Variants in ARPP21 observed in about 807,000 individuals in gnomAD.
ARPP21 encodes cAMP regulated phosphoprotein 21.
In ARPP21, 69 loss-of-function variants were observed where a neutral mutation model predicts 113.2. The ratio of observed to expected loss-of-function variants is 0.61; its 90% CI spans 0.50 to 0.74. The LOEUF is 0.74. ARPP21 is among the 30% of genes least tolerant of loss of function. ARPP21 has a pLI of 0.00. For synonymous variants in ARPP21, 368 were observed against 375.5 expected (o/e 0.98, Z 0.23); for missense variants, 1,070 against 1,037.4 (o/e 1.03, Z -0.43).
At chr3:35,769,704 ATCTC>A (rs1297665614) in intron 19 of ARPP21, among the ~76,000 whole-genome samples, 1 of 152,148 alleles carries the variant, frequency 6.6e-6, no homozygotes, top group Non-Finnish European at 1.5e-5. Flanking sequence ...GGCTAACACT[ATCTC>A]TATCTATCCT....
chr3:35,702,265 A>G (rs779365646), intron 9 of ARPP21, among the ~76,000 whole-genome samples: 11 of 151,790 alleles, frequency 7.2e-5, no homozygotes, highest in Non-Finnish European at 1.5e-5. Context: ...AATTTTATAG[A>G]GTCACATATC....
intron 19 of ARPP21, among the ~76,000 whole-genome samples, chr3:35,783,350 T>G (rs185511431): frequency 6.6e-6 from 1 of 152,290 alleles, no homozygotes; most frequent in East Asian, 1.9e-4. Flanking sequence ...ACTTGTTCTT[T>G]CTGTATTTAT....
intron 1 of ARPP21, among the ~76,000 whole-genome samples, chr3:35,644,326 A>T (rs1250876695): frequency 6.6e-6 from 1 of 151,914 alleles, no homozygotes; most frequent in Non-Finnish European, 1.5e-5. Context: ...CTAGATATTG[A>T]AGTACATGTT....
chr3:35,684,522 A>G (rs558836539), intron 5 of ARPP21: 207 of 985,722 alleles, frequency 2.1e-4, no homozygotes, highest in Admixed American at 1.2e-3. Context: ...CCTTTCAGGC[A>G]TCATATTAGC....
intron 1 of ARPP21, among the ~76,000 whole-genome samples, chr3:35,661,913 T>A (rs1708017396): frequency 6.6e-6 from 1 of 152,194 alleles, no homozygotes; most frequent in South Asian, 2.1e-4. Context: ...CTAACTAATT[T>A]GTAATCATAG....
intron 14 of ARPP21, among the ~76,000 whole-genome samples, chr3:35,722,658 G>A (rs940709190): frequency 1.2e-4 from 18 of 152,110 alleles, no homozygotes; most frequent in South Asian, 4.2e-4. Flanking sequence ...GATATTCTGA[G>A]GTAGGTAGTT....
intron 14 of ARPP21, among the ~76,000 whole-genome samples, chr3:35,727,114 C>A (rs2093594976): frequency 6.6e-6 from 1 of 152,102 alleles, no homozygotes; most frequent in African/African-American, 2.4e-5. Context: ...CATTCTAAAC[C>A]ACTTAGATGG....
At position 35,737,962 on chromosome 3, in the gene ARPP21, C is replaced by T. The variant is rs371440656; in HGVS notation, c.1645-252C>T. On this transcript the variant is annotated intron_variant, in intron 16 of 20. Transcript: ENST00000684406. ...TTTGTTTTGGGGCAGTATTTTCAGA[C>T]CCAGAGGATCTAACCAACAATATCA... 5.3e-5 allele frequency among the ~76,000 whole-genome samples: 8 copies of T among 152,278 alleles called. No individual in the cohort carries two copies. In the East Asian group the frequency reaches 1.2e-3, roughly 22 times the overall value.
At chr3:35,695,031 C>G (rs1009242821) in intron 9 of ARPP21, among the ~76,000 whole-genome samples, 2 of 150,344 alleles carry the variant, frequency 1.3e-5, no homozygotes, top group African/African-American at 4.9e-5. Flanking sequence ...CCATTTCACT[C>G]TTTTTTTCTA....
intron 19 of ARPP21, chr3:35,781,351 A>G (rs758158180): frequency 6.6e-6 from 1 of 152,236 alleles, no homozygotes; most frequent in Non-Finnish European, 1.5e-5. Context: ...AAGCCATTAA[A>G]AGAATGAAAC....
intron 19 of ARPP21, among the ~76,000 whole-genome samples, chr3:35,751,744 T>C (rs1359743339): frequency 6.6e-6 from 1 of 152,262 alleles, no homozygotes; most frequent in South Asian, 2.1e-4. Context: ...CAGTCTCTCT[T>C]GTCAGAGCCA....
intron 6 of ARPP21, among the ~76,000 whole-genome samples, chr3:35,688,938 C>T (rs1259005725): frequency 6.7e-6 from 1 of 149,734 alleles, no homozygotes; most frequent in East Asian, 2.0e-4. Context: ...GGATCTCAAA[C>T]TCTTGAGAGC....
At chr3:35,719,917 T>C (rs1490081501) in intron 13 of ARPP21, among the ~76,000 whole-genome samples, 1 of 152,168 alleles carries the variant, frequency 6.6e-6, no homozygotes, top group Non-Finnish European at 1.5e-5. Flanking sequence ...AGAATGAAGT[T>C]GAATTTGGAG....
intron 18 of ARPP21, among the ~76,000 whole-genome samples, chr3:35,741,247 C>A (rs1170438703): frequency 1.3e-5 from 2 of 152,134 alleles, no homozygotes; most frequent in African/African-American, 4.8e-5. Context: ...TACTTTCATT[C>A]CTTCTTTAAC....
intron 1 of ARPP21, among the ~76,000 whole-genome samples, chr3:35,646,725 C>T (rs1010590765): frequency 2.5e-4 from 38 of 151,516 alleles, no homozygotes; most frequent in African/African-American, 9.2e-4. Flanking sequence ...TATTGGACTA[C>T]TTCATATATC....
intron 12 of ARPP21, 82 bp downstream of exon 12, chr3:35,715,558 C>G: frequency 9.0e-7 from 1 of 1,113,970 alleles, no homozygotes; most frequent in Non-Finnish European, 1.4e-6. Context: ...ATATATATCC[C>G]ATATATGTGT....
At chr3:35,694,958 A>G (rs1275602128) in intron 9 of ARPP21, among the ~76,000 whole-genome samples, 2 of 147,664 alleles carry the variant, frequency 1.4e-5, no homozygotes, top group East Asian at 3.9e-4. Flanking sequence ...ATATAAATGT[A>G]TATTATATAT....
intron 12 of ARPP21, 42 bp downstream of exon 12, chr3:35,715,518 G>A (rs375161410): frequency 1.9e-5 from 29 of 1,494,588 alleles, no homozygotes; most frequent in African/African-American, 4.1e-5. Flanking sequence ...GAGGAACAAC[G>A]TCTGTCATGT....
At chr3:35,708,246 GA>G (rs1451529196) in intron 10 of ARPP21, among the ~76,000 whole-genome samples, 1 of 152,128 alleles carries the variant, frequency 6.6e-6, no homozygotes, top group Non-Finnish European at 1.5e-5. Flanking sequence ...AGAATAGATG[GA>G]AGGAGACTTA....
Sources: allele counts gnomAD v4.1 joint callset (sites outside exome capture counted in the v4.1 genomes callset), GRCh38; gene constraint gnomAD v4.1.1; transcripts MANE v1.5; gene names NCBI Gene and HGNC (gene_info 2026-07-23, HGNC 2026-07-21).